The following ITGB5 variants were observed in gnomAD, a reference collection of about 807,000 sequenced individuals.
ITGB5 encodes integrin subunit beta 5, also known as integrin beta-5.
A neutral mutation model predicts 84.8 loss-of-function variants in ITGB5; 38 were observed. The observed-to-expected ratio is 0.45, with a 90% CI of 0.35 to 0.59. ITGB5 has a LOEUF of 0.59. Ranked by LOEUF, ITGB5 falls within the 20% of genes least tolerant of loss-of-function variation. The pLI, the probability that ITGB5 is intolerant of heterozygous loss-of-function variation, is 0.01. For missense variants in ITGB5, 905 were observed against 1,034.5 expected (o/e 0.87, Z 1.72); for synonymous variants, 393 against 414.4 (o/e 0.95, Z 0.63).
intron 3 of ITGB5, chr3:124,857,344 A>G (rs2065233892): frequency 6.6e-6 from 1 of 152,220 alleles, no homozygotes; most frequent in African/African-American, 2.4e-5. Context: ...TTAACTTTGA[A>G]AAGTTCACTG....
intron 2 of ITGB5, among the ~76,000 whole-genome samples, chr3:124,869,768 G>A (rs769311056): frequency 4.8e-4 from 73 of 152,312 alleles, no homozygotes; most frequent in Non-Finnish European, 8.1e-4. Context: ...GCTGGACAGG[G>A]AACCTAAGTG....
intron 2 of ITGB5, among the ~76,000 whole-genome samples, chr3:124,867,125 T>C (rs926180481): frequency 2.6e-5 from 4 of 151,944 alleles, no homozygotes; most frequent in Non-Finnish European, 4.4e-5. Flanking sequence ...CACATCCACT[T>C]CCCCAGGCAA....
chr3:124,777,874 C>G (rs1026215241), intron 10 of ITGB5, among the ~76,000 whole-genome samples: 3 of 152,196 alleles, frequency 2.0e-5, no homozygotes, highest in Non-Finnish European at 4.4e-5. Flanking sequence ...CTGCCTTTCC[C>G]TCAGCCTGCG....
chr3:124,787,567 TACA>T (rs2064099225), intron 10 of ITGB5: 1 of 152,246 alleles, frequency 6.6e-6, no homozygotes, highest in Non-Finnish European at 1.5e-5. Context: ...TGGCAGCCAG[TACA>T]ACACTTGGCT....
chr3:124,823,728 C>T (rs9860625), intron 5 of ITGB5, among the ~76,000 whole-genome samples: 26,193 of 151,352 alleles, frequency 0.17, 2,482 homozygotes, highest in Admixed American at 0.26. Context: ...TAAGGCAATG[C>T]ATTATAAGCC....
intron 2 of ITGB5, among the ~76,000 whole-genome samples, chr3:124,861,044 C>T (rs1177505272): frequency 1.3e-5 from 2 of 151,958 alleles, no homozygotes; most frequent in Non-Finnish European, 2.9e-5. Context: ...CCTGCCTGGG[C>T]GACAGAGCAA....
intron 1 of ITGB5, among the ~76,000 whole-genome samples, chr3:124,899,364 G>A (rs1005912847): frequency 2.2e-4 from 33 of 152,276 alleles, no homozygotes; most frequent in Middle Eastern, 3.4e-3. Context: ...GGGGCTGGCT[G>A]TCCAGTGGGG....
chr3:124,773,706 C>T lies in ITGB5; in HGVS notation c.1900G>A (p.Ala634Thr), dbSNP rs371808811. ...AACCAGTACCTCTTGGTGCTGCATGCATCCGGGCAGGTGGGGCACTTCTCA... is the reference window on the plus strand; with the variant it reads ...AACCAGTACCTCTTGGTGCTGCATGTATCCGGGCAGGTGGGGCACTTCTCA... The part of the protein sequence containing the change: ...MCEKCPTCPD[A>T]CSTKRDCVEC... The change falls in exon 11 of 15, where the codon GCA (alanine) becomes ACA (threonine). Residue 634 changes from alanine (A) to threonine (T), a missense_variant. Ala to Thr is a moderately conservative substitution (Grantham distance 58, BLOSUM62 0). This residue lies in a region of ITGB5 where 116 missense variants were observed against 177.0 expected (regional missense o/e 0.66). Transcript: ENST00000296181. 12 of 1,612,120 alleles carry T rather than the reference C, an allele frequency of 7.4e-6. No homozygotes were observed. Among genetic ancestry groups the T allele is most frequent in the Non-Finnish European group, 1.0e-5 (12 of 1,179,988 alleles).
chr3:124,829,485 C>A (rs1335396045), intron 5 of ITGB5, among the ~76,000 whole-genome samples: 1 of 152,232 alleles, frequency 6.6e-6, no homozygotes, highest in African/African-American at 2.4e-5. Flanking sequence ...CCTGCTTCCA[C>A]ACTCATGCGA....
chr3:124,821,739 T>G (rs2064707162), intron 5 of ITGB5, among the ~76,000 whole-genome samples: 1 of 152,254 alleles, frequency 6.6e-6, no homozygotes, highest in East Asian at 1.9e-4. Context: ...TGAAACCCCC[T>G]CCCTCCAGCT....
intron 5 of ITGB5, among the ~76,000 whole-genome samples, chr3:124,831,124 G>A (rs2064853995): frequency 6.6e-6 from 1 of 152,168 alleles, no homozygotes; most frequent in African/African-American, 2.4e-5. Flanking sequence ...TGATATCTGA[G>A]GTCAGTTACC....
At chr3:124,765,787 T>C (rs551061556) in intron 13 of ITGB5, among the ~76,000 whole-genome samples, 1 of 152,344 alleles carries the variant, frequency 6.6e-6, no homozygotes, top group South Asian at 2.1e-4. Flanking sequence ...TTAGGTGCAG[T>C]GGCTCAAACC....
At chr3:124,874,648 A>G (rs1934224761) in intron 1 of ITGB5, among the ~76,000 whole-genome samples, 1 of 152,238 alleles carries the variant, frequency 6.6e-6, no homozygotes, top group Non-Finnish European at 1.5e-5. Flanking sequence ...TACTGGCATA[A>G]AAACAGACAT....
intron 1 of ITGB5, among the ~76,000 whole-genome samples, chr3:124,885,612 C>T (rs1025230350): frequency 6.6e-6 from 1 of 152,178 alleles, no homozygotes; most frequent in Non-Finnish European, 1.5e-5. Flanking sequence ...GCGTTGACAA[C>T]AATACATTCC....
intron 3 of ITGB5, among the ~76,000 whole-genome samples, chr3:124,853,535 C>G (rs2065184711): frequency 6.6e-6 from 1 of 152,176 alleles, no homozygotes; most frequent in Non-Finnish European, 1.5e-5. Flanking sequence ...TTTAAAATAA[C>G]CCCTTATCCA....
chr3:124,777,695 G>C (rs963999577), intron 10 of ITGB5, among the ~76,000 whole-genome samples: 1 of 152,254 alleles, frequency 6.6e-6, no homozygotes, highest in Admixed American at 6.5e-5. Flanking sequence ...GTTCTACCAA[G>C]TGGTGGGAGC....
intron 5 of ITGB5, among the ~76,000 whole-genome samples, chr3:124,837,851 G>A (rs1476626335): frequency 6.6e-6 from 1 of 152,218 alleles, no homozygotes; most frequent in Non-Finnish European, 1.5e-5. Context: ...AGGGCACAGG[G>A]TCAGGGGAAG....
chr3:124,864,191 T>A (rs1300342054), intron 2 of ITGB5, among the ~76,000 whole-genome samples: 1 of 129,752 alleles, frequency 7.7e-6, no homozygotes, highest in African/African-American at 2.8e-5. Context: ...CACTGCAAGG[T>A]CCGCCTCCCG....
intron 1 of ITGB5, among the ~76,000 whole-genome samples, chr3:124,877,814 C>G (rs1934393502): frequency 6.6e-6 from 1 of 151,700 alleles, no homozygotes; most frequent in Non-Finnish European, 1.5e-5. Flanking sequence ...AATTTGAGGT[C>G]AAAGGCCTCA....
Sources: gnomAD v4.1 joint callset for allele counts (sites outside exome capture counted in the v4.1 genomes callset) on GRCh38, gnomAD v4.1.1 for gene constraint, gnomAD v4.1.1 regional missense constraint, MANE v1.5 for transcripts, NCBI Gene and HGNC (gene_info 2026-07-23, HGNC 2026-07-21) for gene names.